The following RBFOX3 variants were observed in gnomAD, a reference collection of about 807,000 sequenced individuals.
RBFOX3 encodes RNA binding protein fox-1 homolog 3.
In RBFOX3, 17 loss-of-function variants were observed where a neutral mutation model predicts 48.7. The ratio of observed to expected loss-of-function variants is 0.35; its 90% CI spans 0.24 to 0.52. RBFOX3 has a LOEUF of 0.52. RBFOX3 is among the 20% of genes least tolerant of loss of function. The probability of loss-of-function intolerance (pLI) is 0.94; values close to 1 mark genes in which losing one functional copy is unlikely to be tolerated. For missense variants in RBFOX3, 382 were observed against 497.5 expected (o/e 0.77, Z 2.21); for synonymous variants, 212 against 209.5 (o/e 1.01, Z -0.10).
At chr17:79,352,180 T>G (rs560237596) in intron 2 of RBFOX3, among the ~76,000 whole-genome samples, 1 of 152,310 alleles carries the variant, frequency 6.6e-6, no homozygotes, top group East Asian at 1.9e-4. Context: ...TGATCCCAAC[T>G]GTTGGACATG....
intron 1 of RBFOX3, among the ~76,000 whole-genome samples, chr17:79,553,749 GTC>G (rs1164746364): frequency 2.2e-3 from 330 of 147,786 alleles, no homozygotes; most frequent in Middle Eastern, 3.5e-3. Context: ...TTGAGACAGA[GTC>G]TCTCTCTCTC....
chr17:79,395,302 C>G (rs958427388), intron 2 of RBFOX3, among the ~76,000 whole-genome samples: 1 of 152,240 alleles, frequency 6.6e-6, no homozygotes, highest in Non-Finnish European at 1.5e-5. Flanking sequence ...TGGGAGGACC[C>G]CTCCTAAGGG....
intron 4 of RBFOX3, among the ~76,000 whole-genome samples, chr17:79,192,911 T>A (rs2054811232): frequency 6.6e-6 from 1 of 152,204 alleles, no homozygotes; most frequent in African/African-American, 2.4e-5. Context: ...CTTTAGGAGA[T>A]CCAGCTTTTG....
At chr17:79,652,265 C>T in the RBFOX3 span, among the ~76,000 whole-genome samples, 1 of 151,926 alleles carries the variant, frequency 6.6e-6, no homozygotes, top group African/African-American at 2.4e-5. Context: ...GATACTACAT[C>T]CATGAAACAA....
chr17:79,275,892 A>T (rs2068710907), intron 3 of RBFOX3, among the ~76,000 whole-genome samples: 1 of 152,238 alleles, frequency 6.6e-6, no homozygotes, highest in South Asian at 2.1e-4. Flanking sequence ...AGAGAAACGA[A>T]AATGTATGTT....
chr17:79,500,250 CTT>C (rs1222646327), intron 1 of RBFOX3, among the ~76,000 whole-genome samples: 345 of 104,226 alleles, frequency 3.3e-3, no homozygotes, highest in African/African-American at 0.012. Context: ...AGAGAAATGA[CTT>C]TTTTTTTTTT....
At chr17:79,347,959 A>T (rs1275763955) in intron 2 of RBFOX3, among the ~76,000 whole-genome samples, 5 of 152,288 alleles carry the variant, frequency 3.3e-5, no homozygotes, top group South Asian at 4.1e-4. Context: ...AGAGGTGGGT[A>T]GCCCAGTAAG....
intron 2 of RBFOX3, among the ~76,000 whole-genome samples, chr17:79,372,204 C>T (rs1290229759): frequency 6.6e-6 from 1 of 152,106 alleles, no homozygotes. Flanking sequence ...TGCCTGCCCG[C>T]AGGACTCTGT....
chr17:79,506,227 A>G (rs1555778695), intron 1 of RBFOX3, among the ~76,000 whole-genome samples: 1 of 152,206 alleles, frequency 6.6e-6, no homozygotes, highest in Non-Finnish European at 1.5e-5. Context: ...AGAGCCAGAA[A>G]AGGGAGGAGG....
chr17:79,098,245 T>G (rs1574054), intron 9 of RBFOX3: 1,771 of 156,950 alleles, frequency 0.011, 41 homozygotes, highest in African/African-American at 0.04. Context: ...CCCGTCCTGC[T>G]CCCTCTTCCC....
At chr17:79,496,964 C>T (rs1239190998) in intron 1 of RBFOX3, among the ~76,000 whole-genome samples, 4 of 152,198 alleles carry the variant, frequency 2.6e-5, no homozygotes, top group Non-Finnish European at 5.9e-5. Context: ...TTGCCTGCCT[C>T]GGGACCCCTG....
chr17:79,434,917 CTCCAAGCAGGCTCCTG>C (rs758020752), intron 2 of RBFOX3, among the ~76,000 whole-genome samples: 3 of 152,168 alleles, frequency 2.0e-5, no homozygotes, highest in Non-Finnish European at 4.4e-5. Context: ...AATGACTGTG[CTCCAAGCAGGCTCCTG>C]TCCAAGCAGG....
chr17:79,543,707 C>T (rs376983311), intron 1 of RBFOX3, among the ~76,000 whole-genome samples: 4 of 152,314 alleles, frequency 2.6e-5, no homozygotes, highest in African/African-American at 4.8e-5. Flanking sequence ...TCCAACCCCG[C>T]GGTCTTAGGT....
At chr17:79,624,885 C>T in the RBFOX3 span, among the ~76,000 whole-genome samples, 4 of 147,578 alleles carry the variant, frequency 2.7e-5, no homozygotes, top group Admixed American at 2.8e-4. Flanking sequence ...TCACTGCCAG[C>T]CAAGCTCAAG....
intron 3 of RBFOX3, among the ~76,000 whole-genome samples, chr17:79,263,089 C>T (rs1029963408): frequency 6.6e-6 from 1 of 152,318 alleles, no homozygotes; most frequent in Admixed American, 6.5e-5. Flanking sequence ...CAGGGTAACT[C>T]GCCCAGGCCT....
At position 79,090,682 on chromosome 17, in the gene RBFOX3, GGCGCCCCT is replaced by G. The variant is rs1158996132; in HGVS notation, c.*193_*200del. 2.3e-5 allele frequency: 15 copies of G among 646,464 alleles called. No homozygotes were observed. The highest frequency in any genetic ancestry group is 3.4e-5 in the Non-Finnish European group (13 of 382,196). The allele number at this position is 646,464 out of a possible 1,614,324, so 40.0% of individuals were successfully genotyped here. Reference sequence around the variant, plus strand: ...CCGTCCTGTCCTGGGGCCGCTCCTCGGCGCCCCTGCCGGCGTGCTCCCTCGGTGCGGGC... The same window carrying G: ...CCGTCCTGTCCTGGGGCCGCTCCTCGGCCGGCGTGCTCCCTCGGTGCGGGC... On this transcript the variant is annotated 3_prime_UTR_variant, in exon 15 of 15. Coordinates refer to ENST00000693108, the MANE Select transcript of RBFOX3 (RefSeq NM_001350451.2).
intron 4 of RBFOX3, among the ~76,000 whole-genome samples, chr17:79,185,281 T>A (rs1381371937): frequency 6.6e-6 from 1 of 152,200 alleles, no homozygotes; most frequent in Non-Finnish European, 1.5e-5. Flanking sequence ...AGGGGGCTGG[T>A]CTGTCTCCAC....
At chr17:79,184,280 G>A (rs1399041796) in intron 4 of RBFOX3, among the ~76,000 whole-genome samples, 1 of 152,194 alleles carries the variant, frequency 6.6e-6, no homozygotes, top group East Asian at 1.9e-4. Flanking sequence ...CTGGTCTTGT[G>A]GCTACTTAGA....
chr17:79,231,630 C>A (rs1012534919), intron 4 of RBFOX3, among the ~76,000 whole-genome samples: 8 of 152,034 alleles, frequency 5.3e-5, no homozygotes, highest in Non-Finnish European at 1.2e-4. Flanking sequence ...TACAAAAAAT[C>A]TATTTTATTT....
Sources: allele counts gnomAD v4.1 joint callset (sites outside exome capture counted in the v4.1 genomes callset), GRCh38; gene constraint gnomAD v4.1.1; transcripts MANE v1.5; gene names NCBI Gene and HGNC (gene_info 2026-07-23, HGNC 2026-07-21).